PCDHGA1: variants seen among roughly 807,000 people sequenced by gnomAD.
The protein encoded by PCDHGA1 is protocadherin gamma subfamily A, 1, also known as protocadherin gamma-A1.
Under a neutral mutation model 58.0 loss-of-function variants are expected in PCDHGA1, and 32 were observed. That is an observed-to-expected ratio of 0.55 (90% CI 0.42 to 0.74). The LOEUF (loss-of-function observed/expected upper bound fraction) is 0.74, where lower values mean the gene tolerates loss of function less well. Among genes scored for constraint, PCDHGA1 ranks in the 30% least tolerant of loss-of-function variants. The pLI is 0.00. For synonymous variants in PCDHGA1, 498 were observed against 501.1 expected, an observed-to-expected ratio of 0.99 and a Z score of 0.08; for missense variants, 1,205 against 1,182.3, an observed-to-expected ratio of 1.02 and a Z score of -0.28.
intron 1 of PCDHGA1, chr5:141,427,536 G>T (rs758610182): frequency 1.6e-6 from 1 of 626,396 alleles, no homozygotes; most frequent in Non-Finnish European, 3.0e-6. Context: ...GGAGTACAAC[G>T]TCACCATCAC....
chr5:141,333,585 T>G (rs915841636), intron 1 of PCDHGA1: 1 of 182,852 alleles, frequency 5.5e-6, no homozygotes, highest in Non-Finnish European at 1.1e-5. Flanking sequence ...TTTGAAGAGG[T>G]GAAGATTGTC....
intron 2 of PCDHGA1, among the ~76,000 whole-genome samples, chr5:141,504,859 C>T (rs1396681670): frequency 6.6e-6 from 1 of 152,090 alleles, no homozygotes; most frequent in African/African-American, 2.4e-5. Context: ...TCTTCCATTT[C>T]CCACCTTCAC....
rs2099883887 is a variant in PCDHGA1, at chr5:141,511,641, ACC to A, written c.*469_*470del. 4.4e-6 allele frequency: 1 copy of A among 224,930 alleles called. No homozygotes were observed. Among genetic ancestry groups the A allele is most frequent in the Non-Finnish European group, 9.1e-6 (1 of 110,428 alleles). 13.9% of individuals were successfully genotyped at this position (224,930 alleles called of 1,614,324 possible). A position where few individuals can be genotyped will look rare whatever the true frequency, so the allele number is the denominator to read the frequency against. ...TCTGAAAAGTTGGAAGGGCATCATG[ACC>A]TCTTGGCCTCTCCTTTGATTCTCAA... On this transcript the variant is annotated 3_prime_UTR_variant, in exon 4 of 4. Coordinates refer to ENST00000517417, the MANE Select transcript of PCDHGA1 (RefSeq NM_018912.3).
chr5:141,362,078 A>G, intron 1 of PCDHGA1: 3 of 1,612,904 alleles, frequency 1.9e-6, no homozygotes, highest in Non-Finnish European at 2.5e-6. Flanking sequence ...GCTGTGCGTG[A>G]TGGAGGACAG....
At chr5:141,357,135 C>T in intron 1 of PCDHGA1, 2 of 1,613,502 alleles carry the variant, frequency 1.2e-6, no homozygotes. Flanking sequence ...TTGTAGTGGT[C>T]GTCCAGGACC....
chr5:141,501,374 T>A (rs2099808767), intron 2 of PCDHGA1, among the ~76,000 whole-genome samples: 1 of 151,106 alleles, frequency 6.6e-6, no homozygotes. Context: ...CATCATCTCT[T>A]AAATCCTAGG....
At chr5:141,353,983 T>A (rs914733531) in intron 1 of PCDHGA1, among the ~76,000 whole-genome samples, 3 of 152,236 alleles carry the variant, frequency 2.0e-5, no homozygotes, top group Admixed American at 1.3e-4. Context: ...CTGCTTTATC[T>A]CAAATTTTCA....
chr5:141,440,618 C>G (rs1287745652), intron 1 of PCDHGA1: 3 of 152,196 alleles, frequency 2.0e-5, no homozygotes, highest in South Asian at 2.1e-4. Context: ...GCAGAAGATC[C>G]TGATGTTGAG....
intron 1 of PCDHGA1, chr5:141,424,504 GT>G (rs892941709): frequency 6.6e-6 from 1 of 152,016 alleles, no homozygotes; most frequent in Non-Finnish European, 1.5e-5. Context: ...TGTATGGAAG[GT>G]TTTTTAATGT....
chr5:141,490,061 A>G lies in PCDHGA1; in HGVS notation c.2422-4746A>G, dbSNP rs1562135413. On this transcript the variant is annotated intron_variant, in intron 1 of 3. Transcript: ENST00000517417. This position sits in a 1 kb window ranked among gnomAD's most constrained non-coding sequence, Gnocchi z 5.4. Reference sequence around the variant, plus strand: ...GCCACTGATCCAGACGAGGGCACCAACGGCCAACTAGACTATTCTTTTGGA... The same window carrying G: ...GCCACTGATCCAGACGAGGGCACCAGCGGCCAACTAGACTATTCTTTTGGA... 1.2e-6 allele frequency: 2 copies of G among 1,614,214 alleles called. No individual in the cohort carries two copies. Among genetic ancestry groups the G allele is most frequent in the East Asian group, 2.2e-5 (1 of 44,884 alleles).
intron 1 of PCDHGA1, chr5:141,372,072 C>G: frequency 1.2e-6 from 2 of 1,613,664 alleles, no homozygotes; most frequent in Non-Finnish European, 1.7e-6. Context: ...CGACAATGCA[C>G]CGCTGGTGCT....
rs1474849292 is a variant in PCDHGA1 at position 141,454,205 on chromosome 5, G to T, written c.2422-40602G>T. Among the ~76,000 whole-genome samples, 3 of 152,154 alleles carry T rather than the reference G, an allele frequency of 2.0e-5. No individual in the cohort carries two copies. The East Asian group carries it at 5.8e-4, about 29-fold the overall frequency. ...GGAGCTTAGTGAAGGTGAATTTATT[G>T]ACATGAATGAGAAAAGTAATTGTGA... On this transcript the variant is annotated intron_variant, in intron 1 of 3. Coordinates refer to ENST00000517417, the MANE Select transcript of PCDHGA1 (RefSeq NM_018912.3).
chr5:141,350,311 C>G, intron 1 of PCDHGA1: 1 of 1,523,378 alleles, frequency 6.6e-7, no homozygotes, highest in African/African-American at 1.4e-5. Context: ...TACTGTTTCC[C>G]TTCCTGCTGT....
At chr5:141,338,936 G>A in intron 1 of PCDHGA1, 1 of 1,522,404 alleles carries the variant, frequency 6.6e-7, no homozygotes, top group Non-Finnish European at 8.8e-7. Context: ...ACTGGATGCT[G>A]GAAGTTGACT....
At position 141,332,283 on chromosome 5, in the gene PCDHGA1, G is replaced by A; in HGVS notation, c.1599G>A (p.Met533Ile). Residue 533 changes from methionine (M) to isoleucine (I), a missense_variant, in exon 1 of 4, where the codon ATG becomes ATA. By Grantham distance (10) the Met-to-Ile change is conservative (BLOSUM62 1). Transcript: ENST00000517417. The surrounding 1 kb of genome is among the most constrained non-coding windows in gnomAD (Gnocchi z 4.6). Reference protein sequence around the residue: ...EQFRDMQLKVMARDSGDPPLS... With the variant: ...EQFRDMQLKVIARDSGDPPLS... The stretch of plus-strand genomic sequence containing the variant: ...TCCGGGACATGCAACTGAAAGTGAT[G>A]GCGCGGGACAGTGGGGATCCGCCCC... 6.2e-7 allele frequency: 1 copy of A among 1,614,226 alleles called. No homozygotes were observed. The highest frequency in any genetic ancestry group is 8.5e-7 in the Non-Finnish European group (1 of 1,180,048).
chr5:141,372,935 T>C, intron 1 of PCDHGA1: 2 of 830,688 alleles, frequency 2.4e-6, no homozygotes, highest in Non-Finnish European at 3.6e-6. Context: ...TGGTGTAGAG[T>C]AGGGTGTCTA....
In PCDHGA1 at chr5:141,511,028, T is replaced by G. The variant is rs1279056657; in HGVS notation, c.2651T>G (p.Leu884Arg). The G allele has an allele frequency of 3.7e-6, 6 of 1,614,084 alleles. No individual in the cohort carries two copies. The highest frequency in any genetic ancestry group is 1.7e-5 in the Admixed American group (1 of 60,004). ...LSARYGPQFT[L>R]QHVPDYRQNV... is the part of the protein sequence containing the mutation. The stretch of plus-strand genomic sequence containing the variant: ...GCCCGCTACGGACCCCAGTTCACCC[T>G]GCAGCACGTGCCCGACTACCGCCAG... Residue 884 changes from leucine to arginine, a missense_variant, in exon 4 of 4, where the codon CTG becomes CGG. Physicochemically the swap from Leu to Arg is moderately radical, Grantham distance 102. Transcript: ENST00000517417.
At chr5:141,364,468 C>A (rs1305196130) in intron 1 of PCDHGA1, 9 of 1,614,006 alleles carry the variant, frequency 5.6e-6, no homozygotes, top group Non-Finnish European at 7.6e-6. Context: ...CCTTCGTCGG[C>A]AACATAGCCA....
chr5:141,374,187 T>C (rs1770247069), intron 1 of PCDHGA1: 2 of 1,613,640 alleles, frequency 1.2e-6, no homozygotes, highest in Non-Finnish European at 1.7e-6. Context: ...CGCTACTCTA[T>C]TCCCGAGGAG....
Sources: gnomAD v4.1 joint callset for allele counts (sites outside exome capture counted in the v4.1 genomes callset) on GRCh38, gnomAD v4.1.1 for gene constraint, Gnocchi (gnomAD v3.1) non-coding constraint, MANE v1.5 for transcripts, NCBI Gene and HGNC (gene_info 2026-07-23, HGNC 2026-07-21) for gene names.